The following CACNB2 variants were observed in gnomAD, a reference collection of about 807,000 sequenced individuals.
CACNB2 encodes the protein voltage-dependent L-type calcium channel subunit beta-2.
A neutral mutation model predicts 73.3 loss-of-function variants in CACNB2; 42 were observed. The ratio of observed to expected loss-of-function variants is 0.57; its 90% CI spans 0.45 to 0.74. The LOEUF (loss-of-function observed/expected upper bound fraction) is 0.74, where lower values mean the gene tolerates loss of function less well. Ranked by LOEUF, CACNB2 falls within the 30% of genes least tolerant of loss-of-function variation. CACNB2 has a pLI of 0.00. For missense variants in CACNB2, 940 were observed against 853.0 expected (o/e 1.10, Z -1.27); for synonymous variants, 348 against 310.3 (o/e 1.12, Z -1.28).
intron 2 of CACNB2, among the ~76,000 whole-genome samples, chr10:18,266,142 A>G (rs2037788371): frequency 6.6e-6 from 1 of 152,214 alleles, no homozygotes; most frequent in Non-Finnish European, 1.5e-5. Context: ...AAAGTTTACA[A>G]AATGCTTTTA....
chr10:18,467,556 A>C (rs1214853387), intron 3 of CACNB2, among the ~76,000 whole-genome samples: 2 of 152,266 alleles, frequency 1.3e-5, no homozygotes, highest in Non-Finnish European at 1.5e-5. Context: ...GTCAGATGCC[A>C]TTTGACTAAC....
chr10:18,332,900 C>G (rs551333938), intron 2 of CACNB2, among the ~76,000 whole-genome samples: 43 of 151,998 alleles, frequency 2.8e-4, no homozygotes, highest in Non-Finnish European at 5.1e-4. Context: ...GAGACTTTAC[C>G]ATGTTAAATG....
chr10:18,473,514 A>C (rs1367592200), intron 3 of CACNB2, among the ~76,000 whole-genome samples: 1 of 152,180 alleles, frequency 6.6e-6, no homozygotes, highest in Non-Finnish European at 1.5e-5. Flanking sequence ...GTTTACTTTC[A>C]GTTCAAGACA....
At chr10:18,452,716 G>A (rs1589400956) in intron 3 of CACNB2, among the ~76,000 whole-genome samples, 1 of 152,130 alleles carries the variant, frequency 6.6e-6, no homozygotes, top group Non-Finnish European at 1.5e-5. Flanking sequence ...GGCAAGGTTA[G>A]CCTTATAGAC....
intron 2 of CACNB2, among the ~76,000 whole-genome samples, chr10:18,288,704 C>CACACACACACAG (rs746197406): frequency 1.3e-4 from 20 of 151,360 alleles, no homozygotes; most frequent in African/African-American, 4.1e-4. Flanking sequence ...CACACACACA[C>CACACACACACAG]AGAGATACCC....
chr10:18,315,492 C>T (rs12253381), intron 2 of CACNB2, among the ~76,000 whole-genome samples: 1 of 69,554 alleles, frequency 1.4e-5, no homozygotes, highest in Admixed American at 2.4e-4. Flanking sequence ...GAGACCTTGT[C>T]TCTATTTAAA....
intron 2 of CACNB2, among the ~76,000 whole-genome samples, chr10:18,246,221 C>T (rs1022302375): frequency 4.6e-5 from 7 of 152,128 alleles, no homozygotes; most frequent in African/African-American, 1.2e-4. Flanking sequence ...GCTCAGCTTT[C>T]CTGTGTGCTA....
At chr10:18,260,541 A>G in intron 2 of CACNB2, 1 of 985,670 alleles carries the variant, frequency 1.0e-6, no homozygotes, top group Non-Finnish European at 1.2e-6. Flanking sequence ...TGAAATACCT[A>G]CTGCAGGACA....
At chr10:18,493,964 G>T (rs760740952) in intron 3 of CACNB2, among the ~76,000 whole-genome samples, 65 of 152,102 alleles carry the variant, frequency 4.3e-4, no homozygotes, top group Non-Finnish European at 8.2e-4. Flanking sequence ...TTGAGGAATA[G>T]GTATCTGCTG....
At chr10:18,151,636 T>C (rs932360967) in intron 2 of CACNB2, among the ~76,000 whole-genome samples, 5 of 152,122 alleles carry the variant, frequency 3.3e-5, no homozygotes, top group South Asian at 2.1e-4. Flanking sequence ...AGGAAGAGCA[T>C]AGAGGCAGCT....
At chr10:18,221,679 A>G (rs1263470797) in intron 2 of CACNB2, among the ~76,000 whole-genome samples, 1 of 152,212 alleles carries the variant, frequency 6.6e-6, no homozygotes, top group Non-Finnish European at 1.5e-5. Flanking sequence ...ACTGTCTCAA[A>G]AAATAAAAGT....
intron 2 of CACNB2, among the ~76,000 whole-genome samples, chr10:18,186,934 A>G (rs2034181549): frequency 6.6e-6 from 1 of 152,204 alleles, no homozygotes; most frequent in African/African-American, 2.4e-5. Flanking sequence ...GTTTAATAGT[A>G]AGATACACAT....
chr10:18,150,687 C>G (rs2031439940), intron 1 of CACNB2, among the ~76,000 whole-genome samples, 196 bp from the exon 2 acceptor site: 1 of 151,926 alleles, frequency 6.6e-6, no homozygotes, highest in African/African-American at 2.4e-5. Context: ...AAAGAAAACT[C>G]TCCTCCCCAC....
intron 3 of CACNB2, among the ~76,000 whole-genome samples, chr10:18,403,036 C>T (rs369961075): frequency 1.3e-5 from 2 of 152,114 alleles, no homozygotes; most frequent in African/African-American, 4.8e-5. Flanking sequence ...ACCTCTAGTG[C>T]GGCTGCCATC....
At chr10:18,289,388 G>A (rs368692028) in intron 2 of CACNB2, among the ~76,000 whole-genome samples, 8 of 143,986 alleles carry the variant, frequency 5.6e-5, no homozygotes, top group African/African-American at 1.0e-4. Context: ...TCCGCCTCCC[G>A]GGTTCATGCC....
intron 2 of CACNB2, among the ~76,000 whole-genome samples, chr10:18,398,484 C>T (rs1322414576): frequency 6.6e-6 from 1 of 152,006 alleles, no homozygotes; most frequent in Non-Finnish European, 1.5e-5. Context: ...GCCTGGGCAA[C>T]ATAGTGAGAC....
chr10:18,178,244 T>C (rs943877445), intron 2 of CACNB2, among the ~76,000 whole-genome samples: 1 of 152,168 alleles, frequency 6.6e-6, no homozygotes, highest in Non-Finnish European at 1.5e-5. Flanking sequence ...AAATGAGCCT[T>C]TTCTTTTTCT....
chr10:18,356,525 CA>C (rs2041914403), intron 2 of CACNB2, among the ~76,000 whole-genome samples: 1 of 152,184 alleles, frequency 6.6e-6, no homozygotes, highest in Non-Finnish European at 1.5e-5. Flanking sequence ...GACTACATTG[CA>C]CAAAGGAGCT....
intron 2 of CACNB2, among the ~76,000 whole-genome samples, chr10:18,240,158 A>G (rs1474612668): frequency 1.3e-5 from 2 of 152,246 alleles, no homozygotes; most frequent in Non-Finnish European, 2.9e-5. Context: ...AAAAACTATG[A>G]GTATTCTGTT....
Sources: allele counts gnomAD v4.1 joint callset (sites outside exome capture counted in the v4.1 genomes callset), GRCh38; gene constraint gnomAD v4.1.1; transcripts MANE v1.5; gene names NCBI Gene and HGNC (gene_info 2026-07-23, HGNC 2026-07-21).